The following CAB39 variants were observed in gnomAD, a reference collection of about 807,000 sequenced individuals.
The protein encoded by CAB39 is calcium binding protein 39.
Under a neutral mutation model 40.0 loss-of-function variants are expected in CAB39, and 8 were observed. That is an observed-to-expected ratio of 0.20 (90% CI 0.12 to 0.36). The LOEUF (loss-of-function observed/expected upper bound fraction) is 0.36, where lower values mean the gene tolerates loss of function less well. Among genes scored for constraint, CAB39 ranks in the 10% least tolerant of loss-of-function variants. The pLI is 1.00. For missense variants in CAB39, 270 were observed against 401.1 expected, an observed-to-expected ratio of 0.67 and a Z score of 2.79; for synonymous variants, 156 against 141.6, an observed-to-expected ratio of 1.10 and a Z score of -0.72.
chr2:230,793,123 A>C (rs1470098919), intron 3 of CAB39, 90 bp from the exon 4 acceptor site: 1 of 713,920 alleles, frequency 1.4e-6, no homozygotes. Context: ...AACAATAAGT[A>C]CAATGGCCTT....
intron 1 of CAB39, among the ~76,000 whole-genome samples, chr2:230,735,355 TG>T (rs1170391268): frequency 2.0e-5 from 3 of 151,968 alleles, no homozygotes; most frequent in Non-Finnish European, 4.4e-5. Flanking sequence ...TTAGTAGAGA[TG>T]GGGTTTCACC....
chr2:230,818,158 C>T (rs1696436307), intron 8 of CAB39: 1 of 470,928 alleles, frequency 2.1e-6, no homozygotes, highest in Non-Finnish European at 3.7e-6. Flanking sequence ...AACTGCAAAA[C>T]AAAAGCATTT....
intron 2 of CAB39, among the ~76,000 whole-genome samples, chr2:230,767,502 A>C (rs997634575): frequency 1.3e-5 from 2 of 152,210 alleles, no homozygotes; most frequent in African/African-American, 4.8e-5. Flanking sequence ...TATATTCCTT[A>C]GAGTAAAAGT....
At position 230,712,876 on chromosome 2, in the gene CAB39, A is replaced by C. The variant is rs1219177966; in HGVS notation, c.-398A>C. 3 of 151,956 alleles carry C rather than the reference A, an allele frequency of 2.0e-5. No homozygotes were observed. 9.4% of individuals were successfully genotyped at this position (151,956 alleles called of 1,614,324 possible). ...ACGTCAAAGCCGGGCTCGGGCCGCA[A>C]GCGGGGCGAGGGGTTCGGGGAGCGG... On this transcript the variant is annotated 5_prime_UTR_variant, in exon 1 of 9. Transcript: ENST00000258418.
chr2:230,805,563 G>A (rs1313101484), intron 5 of CAB39, among the ~76,000 whole-genome samples: 1 of 152,170 alleles, frequency 6.6e-6, no homozygotes, highest in Non-Finnish European at 1.5e-5. Context: ...CAGCTCTGCT[G>A]CTGATCTCAC....
intron 1 of CAB39, among the ~76,000 whole-genome samples, chr2:230,716,315 T>C (rs1694348921): frequency 6.6e-6 from 1 of 152,196 alleles, no homozygotes; most frequent in African/African-American, 2.4e-5. Context: ...TTTACTAAAG[T>C]TTTCTGTTTT....
At chr2:230,801,641 G>A (rs1696091789) in intron 5 of CAB39, among the ~76,000 whole-genome samples, 1 of 152,110 alleles carries the variant, frequency 6.6e-6, no homozygotes, top group South Asian at 2.1e-4. Flanking sequence ...GGAGGCTGAG[G>A]TGGGTGGATC....
At chr2:230,716,685 A>T (rs1471743742) in intron 1 of CAB39, among the ~76,000 whole-genome samples, 3 of 152,204 alleles carry the variant, frequency 2.0e-5, no homozygotes, top group South Asian at 2.1e-4. Context: ...TATAGGCCTG[A>T]CCACACTGGC....
intron 2 of CAB39, among the ~76,000 whole-genome samples, chr2:230,778,041 T>C (rs549880576): frequency 6.6e-6 from 1 of 152,366 alleles, no homozygotes; most frequent in South Asian, 2.1e-4. Flanking sequence ...GAATATTTTA[T>C]CCTTTTAAGA....
intron 2 of CAB39, among the ~76,000 whole-genome samples, chr2:230,787,841 T>A (rs939043223): frequency 1.3e-5 from 2 of 152,182 alleles, no homozygotes; most frequent in African/African-American, 4.8e-5. Flanking sequence ...GAGATTTATG[T>A]GGAAGAGAAG....
At position 230,741,953 on chromosome 2, in the gene CAB39, C is replaced by A. The variant is rs1410423572; in HGVS notation, c.-43-18006C>A. On this transcript the variant is annotated intron_variant, in intron 1 of 8. Coordinates refer to ENST00000258418, the MANE Select transcript of CAB39 (RefSeq NM_016289.4). ...GCTATAATGAAAGCAGCCATCCTTT[C>A]TCAAACTGGATAGTAGTGAGATTCA... Among the ~76,000 whole-genome samples the A allele has an allele frequency of 3.9e-5, 6 of 152,104 alleles. No individual in the cohort carries two copies. In the East Asian group the frequency reaches 1.2e-3, roughly 29 times the overall value.
intron 2 of CAB39, among the ~76,000 whole-genome samples, chr2:230,772,948 T>C (rs1695510384): frequency 7.1e-6 from 1 of 140,518 alleles, no homozygotes. Context: ...AAACCAACTG[T>C]AGTACATCCA....
chr2:230,814,980 C>T (rs1267775955), intron 7 of CAB39, among the ~76,000 whole-genome samples: 1 of 152,228 alleles, frequency 6.6e-6, no homozygotes, highest in Non-Finnish European at 1.5e-5. Context: ...TTCTTCCCCT[C>T]ATGGGTGTCT....
At chr2:230,816,687 C>T (rs1015516165) in intron 7 of CAB39, among the ~76,000 whole-genome samples, 9 of 152,248 alleles carry the variant, frequency 5.9e-5, no homozygotes, top group African/African-American at 2.2e-4. Flanking sequence ...TTAGCCCTCA[C>T]TCACTCACAT....
chr2:230,809,835 A>G (rs970977359), intron 5 of CAB39, among the ~76,000 whole-genome samples: 1 of 152,340 alleles, frequency 6.6e-6, no homozygotes, highest in East Asian at 1.9e-4. Flanking sequence ...TTTTTCTAAT[A>G]AAAGAAATTT....
chr2:230,816,047 G>A (rs947670551), intron 7 of CAB39, among the ~76,000 whole-genome samples: 1 of 152,230 alleles, frequency 6.6e-6, no homozygotes, highest in Non-Finnish European at 1.5e-5. Flanking sequence ...GCCAAGGTGG[G>A]TGGATGGATG....
chr2:230,799,041 A>C, intron 5 of CAB39, 144 bp downstream of exon 5: 1 of 587,844 alleles, frequency 1.7e-6, no homozygotes, highest in Non-Finnish European at 2.9e-6. Context: ...TGTGTGATAG[A>C]GGTATATGCA....
intron 2 of CAB39, among the ~76,000 whole-genome samples, chr2:230,764,322 G>A (rs1158536439): frequency 6.6e-6 from 1 of 152,094 alleles, no homozygotes; most frequent in African/African-American, 2.4e-5. Context: ...ATAGGCTTTG[G>A]GTAAGAGGAT....
chr2:230,774,946 G>T (rs1281119340), intron 2 of CAB39, among the ~76,000 whole-genome samples: 1 of 152,048 alleles, frequency 6.6e-6, no homozygotes, highest in Admixed American at 6.6e-5. Flanking sequence ...CAAATACTTG[G>T]CACCAACAGT....
Sources: allele counts gnomAD v4.1 joint callset (sites outside exome capture counted in the v4.1 genomes callset), GRCh38; gene constraint gnomAD v4.1.1; transcripts MANE v1.5; gene names NCBI Gene and HGNC (gene_info 2026-07-23, HGNC 2026-07-21).